Variants in RIPOR3 observed in about 807,000 individuals in gnomAD.
The protein encoded by RIPOR3 is family with sequence similarity 65 member C.
In RIPOR3, 95 loss-of-function variants were observed where a neutral mutation model predicts 114.3. The observed-to-expected ratio is 0.83, with a 90% CI of 0.70 to 0.99. The LOEUF is 0.99. Ranked by LOEUF, RIPOR3 falls within the 50% of genes least tolerant of loss-of-function variation. The pLI, the probability that RIPOR3 is intolerant of heterozygous loss-of-function variation, is 0.00. For synonymous variants in RIPOR3, 575 were observed against 543.8 expected (o/e 1.06, Z -0.80); for missense variants, 1,252 against 1,266.9 (o/e 0.99, Z 0.18).
At chr20:50,594,144 T>C (rs1473879498) in intron 17 of RIPOR3, among the ~76,000 whole-genome samples, 3 of 151,862 alleles carry the variant, frequency 2.0e-5, no homozygotes, top group African/African-American at 7.3e-5. Flanking sequence ...AGCGTGGTGG[T>C]GCACACCTGT....
At chr20:50,677,801 C>G (rs1193059037) in intron 1 of RIPOR3, among the ~76,000 whole-genome samples, 1 of 151,844 alleles carries the variant, frequency 6.6e-6, no homozygotes, top group Admixed American at 6.6e-5. Context: ...TCTCAAGTAC[C>G]TGGAATTACA....
At chr20:50,623,271 A>G (rs569418794) in intron 2 of RIPOR3, among the ~76,000 whole-genome samples, 245 of 151,480 alleles carry the variant, frequency 1.6e-3, no homozygotes, top group East Asian at 0.011. Context: ...AAAAAAAAAA[A>G]AAAAAAAAGA....
At chr20:50,637,482 T>C (rs542893093) in intron 1 of RIPOR3, among the ~76,000 whole-genome samples, 2 of 152,282 alleles carry the variant, frequency 1.3e-5, no homozygotes, top group South Asian at 2.1e-4. Flanking sequence ...AACTCATGGT[T>C]CTGATTGTCT....
intron 19 of RIPOR3, among the ~76,000 whole-genome samples, chr20:50,591,060 G>T (rs1473314397): frequency 1.3e-5 from 2 of 152,124 alleles, no homozygotes; most frequent in Non-Finnish European, 2.9e-5. Flanking sequence ...GCAAAGTCTA[G>T]ATAGTCTAGG....
At position 50,679,167 on chromosome 20, in the gene RIPOR3, G is replaced by C. The variant is rs77003652; in HGVS notation, c.3+11959C>G. Among the ~76,000 whole-genome samples, 411 of 91,580 alleles carry C rather than the reference G, an allele frequency of 4.5e-3. 15 individuals carry two copies. Among genetic ancestry groups the C allele is most frequent in the African/African-American group, 0.016 (372 of 22,696 alleles). 60.1% of individuals were successfully genotyped at this position (91,580 alleles called of 152,430 possible). A position where few individuals can be genotyped will look rare whatever the true frequency, so the allele number is the denominator to read the frequency against. On this transcript the variant is annotated intron_variant, in intron 1 of 21. Coordinates refer to ENST00000327979, the MANE Select transcript of RIPOR3 (RefSeq NM_001290268.2). ...ATATATATACACACACACACACACA[G>C]AGAGAGAGAGATACACATATAATAT...
chr20:50,658,781 G>C (rs1243426965), intron 1 of RIPOR3, among the ~76,000 whole-genome samples: 5 of 152,096 alleles, frequency 3.3e-5, no homozygotes, highest in Non-Finnish European at 4.4e-5. Flanking sequence ...TTCTTTAAAA[G>C]ATGATGAAAC....
intron 1 of RIPOR3, among the ~76,000 whole-genome samples, chr20:50,656,610 C>T (rs368676485): frequency 2.0e-5 from 3 of 152,026 alleles, no homozygotes; most frequent in Non-Finnish European, 2.9e-5. Flanking sequence ...AATGATCCTC[C>T]TGCCTCAGCC....
At chr20:50,662,006 G>C in intron 1 of RIPOR3, 1 of 152,512 alleles carries the variant, frequency 6.6e-6, no homozygotes, top group East Asian at 1.9e-4. Flanking sequence ...ATCTGCCCTC[G>C]AATTTCCCTT....
rs766079656 is a variant in RIPOR3 at position 50,608,754 on chromosome 20, A to G, written c.685-16T>C. The stretch of plus-strand genomic sequence containing the variant: ...GCATGAGCACCTGTGAACCAGCCCG[A>G]GAGGGGCCGCGTCAGCCCAGGTGGG... On this transcript the variant is annotated splice_polypyrimidine_tract_variant and intron_variant, in intron 9 of 21. Coordinates refer to ENST00000327979, the MANE Select transcript of RIPOR3 (RefSeq NM_001290268.2). The G allele has an allele frequency of 2.1e-5, 34 of 1,613,572 alleles. No homozygotes were observed. The highest frequency in any genetic ancestry group is 2.5e-5 in the Non-Finnish European group (29 of 1,179,752).
intron 13 of RIPOR3, among the ~76,000 whole-genome samples, chr20:50,601,398 C>T (rs891660257): frequency 3.3e-5 from 5 of 152,114 alleles, no homozygotes; most frequent in Non-Finnish European, 7.4e-5. Flanking sequence ...GGCGCCGCTA[C>T]AACTCTGTTG....
At chr20:50,638,309 G>C (rs1362532790) in intron 1 of RIPOR3, among the ~76,000 whole-genome samples, 1 of 152,218 alleles carries the variant, frequency 6.6e-6, no homozygotes, top group Non-Finnish European at 1.5e-5. Flanking sequence ...GCAGGCAAAG[G>C]GACGCCTCCT....
intron 17 of RIPOR3, among the ~76,000 whole-genome samples, chr20:50,594,275 CAAAA>C (rs35958484): frequency 9.0e-5 from 7 of 77,620 alleles, no homozygotes; most frequent in South Asian, 9.9e-4. Context: ...GACTCCATCT[CAAAA>C]AAAAAAAAAA....
chr20:50,592,233 A>C, intron 19 of RIPOR3, 111 bp downstream of exon 19: 1 of 1,127,046 alleles, frequency 8.9e-7, no homozygotes, highest in Non-Finnish European at 1.2e-6. Context: ...AATAGCTCAC[A>C]GCTACTGCAG....
chr20:50,603,754 G>A (rs898906738), intron 12 of RIPOR3, among the ~76,000 whole-genome samples: 1 of 152,130 alleles, frequency 6.6e-6, no homozygotes, highest in East Asian at 1.9e-4. Flanking sequence ...TGTGAATCTG[G>A]GTACACGGAC....
At chr20:50,651,611 T>C (rs2085616236) in intron 1 of RIPOR3, among the ~76,000 whole-genome samples, 1 of 152,214 alleles carries the variant, frequency 6.6e-6, no homozygotes. Context: ...TTCCATCCAC[T>C]GGCTGTGGAA....
intron 4 of RIPOR3, among the ~76,000 whole-genome samples, chr20:50,615,605 G>T (rs1432937884): frequency 1.3e-5 from 2 of 149,894 alleles, no homozygotes; most frequent in Non-Finnish European, 1.5e-5. Flanking sequence ...GAAGGAACAC[G>T]CAGGCTTCAT....
chr20:50,674,762 C>T (rs2086630666), intron 1 of RIPOR3, among the ~76,000 whole-genome samples: 1 of 150,826 alleles, frequency 6.6e-6, no homozygotes, highest in Non-Finnish European at 1.5e-5. Flanking sequence ...GCCTGGACAA[C>T]ATACTGAAAC....
At chr20:50,609,093 G>T in intron 8 of RIPOR3, 138 bp from the exon 9 acceptor site, 2 of 1,337,250 alleles carry the variant, frequency 1.5e-6, no homozygotes, top group Non-Finnish European at 1.0e-6. Flanking sequence ...ACACCATCAT[G>T]ATGGAAAATG....
chr20:50,598,640 CA>C (rs2083386488), intron 13 of RIPOR3, among the ~76,000 whole-genome samples: 1 of 152,154 alleles, frequency 6.6e-6, no homozygotes, highest in Non-Finnish European at 1.5e-5. Flanking sequence ...TGCTGATTCT[CA>C]ATAGTCAAGG....
Sources: gnomAD v4.1 joint callset for allele counts (sites outside exome capture counted in the v4.1 genomes callset) on GRCh38, gnomAD v4.1.1 for gene constraint, MANE v1.5 for transcripts, NCBI Gene and HGNC (gene_info 2026-07-23, HGNC 2026-07-21) for gene names.